Variants in KRT3 observed in about 807,000 individuals in gnomAD.
KRT3 encodes the protein keratin, type II cytoskeletal 3.
A neutral mutation model predicts 45.8 loss-of-function variants in KRT3; 34 were observed. The observed-to-expected ratio is 0.74, with a 90% CI of 0.57 to 0.99. KRT3 has a LOEUF of 0.99. Ranked by LOEUF, KRT3 falls within the 50% of genes least tolerant of loss-of-function variation. The pLI is 0.00. For missense variants in KRT3, 828 were observed against 820.6 expected, an observed-to-expected ratio of 1.01 and a Z score of -0.11; for synonymous variants, 367 against 329.0, an observed-to-expected ratio of 1.12 and a Z score of -1.25.
intron 1 of KRT3, among the ~76,000 whole-genome samples, 167 bp from the exon 2 acceptor site, chr12:52,794,498 G>C (rs1939595520): frequency 6.6e-6 from 1 of 152,180 alleles, no homozygotes; most frequent in Admixed American, 6.5e-5. Context: ...TGATCAGATG[G>C]GTGATGAGTC....
In KRT3 at chr12:52,795,526, C is replaced by A. The variant is rs1246761069; in HGVS notation, c.517G>T (p.Val173Leu). The A allele has an allele frequency of 3.1e-6, 5 of 1,614,020 alleles. No homozygotes were observed. The highest frequency in any genetic ancestry group is 4.2e-6 in the Non-Finnish European group (5 of 1,180,020). Reference sequence around the variant, plus strand: ...TGCAGGAGACTCTGGTTGATAGTCACTTCCTGAATTCCCCCAGGAAAGCCC... The same window carrying A: ...TGCAGGAGACTCTGGTTGATAGTCAATTCCTGAATTCCCCCAGGAAAGCCC... ...PGGFPGGIQE[V>L]TINQSLLQPL... Residue 173 changes from valine to leucine, a missense_variant, in exon 1 of 9, where the codon GTG (valine) becomes TTG (leucine). By Grantham distance (32) the Val-to-Leu change is conservative. Coordinates refer to ENST00000417996, the MANE Select transcript of KRT3 (RefSeq NM_057088.3).
At position 52,792,247 on chromosome 12, in the gene KRT3, G is replaced by A. The variant is rs1480919763; in HGVS notation, c.1180C>T (p.Gln394Ter). ...AGGTGACTAGCACCCACCTTGGTCTGGTACAGGGCCTCAGCTTCGGCCTTG... is the reference window on the plus strand; with the variant it reads ...AGGTGACTAGCACCCACCTTGGTCTAGTACAGGGCCTCAGCTTCGGCCTTG... The part of the protein sequence containing the change: ...RSKAEAEALY[Q>*]TKLGELQTTA... Residue 394 changes from glutamine (Q) to a stop codon, truncating the protein, a stop_gained, in exon 5 of 9, where the codon CAG becomes TAG. Transcript: ENST00000417996. LOFTEE classifies it high-confidence loss of function. 3.7e-6 allele frequency: 6 copies of A among 1,613,946 alleles called. No homozygotes were observed. In the South Asian group the frequency reaches 6.6e-5, roughly 18 times the overall value.
rs138097794 is a variant in KRT3, at chr12:52,794,850, G to A, written c.646-519C>T. On this transcript the variant is annotated intron_variant, in intron 1 of 8. Transcript: ENST00000417996. ...CTGTCCTGGTCTGGAGAAGCTCACC[G>A]AGCACTCTTGTCTTCCTGACTAGGC... Among the ~76,000 whole-genome samples, 515 of 152,262 alleles carry A rather than the reference G, an allele frequency of 3.4e-3. 3 individuals are homozygous for A. Among genetic ancestry groups the A allele is most frequent in the African/African-American group, 0.012 (497 of 41,548 alleles).
In KRT3 at chr12:52,790,265, C is replaced by T. The variant is rs1179368128; in HGVS notation, c.1664G>A (p.Ser555Asn). The change falls in exon 9 of 9, where the codon AGT becomes AAT. Residue 555 changes from serine (S) to asparagine (N), a missense_variant. Ser to Asn is a conservative substitution (Grantham distance 46). Transcript: ENST00000417996. ...GCCACTGCCTGAGCCGCCGCCCGCA[C>T]TGAAGCCACCTCCTAAACCACCGCC... is the stretch of plus-strand genomic sequence containing the variant. Reference protein sequence around the residue: ...GMGGGLGGGFSAGGGSGSGFG... With the variant: ...GMGGGLGGGFNAGGGSGSGFG... 8 of 1,551,874 alleles carry T rather than the reference C, an allele frequency of 5.2e-6. No homozygotes were observed. In the Admixed American group the frequency reaches 5.9e-5, roughly 11 times the overall value.
At position 52,794,177 on chromosome 12, in the gene KRT3, C is replaced by T; in HGVS notation, c.800G>A (p.Gly267Glu). ...CTCAGAGTCCAGGCGCCCTCTCTCC[C>T]CGAGGATGTTGTCCAGGTAGCTCCG... ...YLRSYLDNIL[G>E]ERGRLDSELK... Residue 267 changes from glycine (G) to glutamate (E), a missense_variant, in exon 2 of 9, where the codon GGG (glycine) becomes GAG (glutamate). Physicochemically the swap from Gly to Glu is moderately conservative, Grantham distance 98 (BLOSUM62 -2). Coordinates refer to ENST00000417996, the MANE Select transcript of KRT3 (RefSeq NM_057088.3). 6.2e-7 allele frequency: 1 copy of T among 1,614,182 alleles called. No homozygotes were observed. The highest frequency in any genetic ancestry group is 8.5e-7 in the Non-Finnish European group (1 of 1,180,038).
In KRT3 at chr12:52,789,717, G is replaced by A. The variant is rs1939441045; in HGVS notation, c.*325C>T. The A allele has an allele frequency of 5.9e-6, 3 of 509,692 alleles. No individual in the cohort carries two copies. Among genetic ancestry groups the A allele is most frequent in the South Asian group, 5.2e-5 (2 of 38,792 alleles). The allele number at this position is 509,692 out of a possible 1,614,324, so 31.6% of individuals were successfully genotyped here. On this transcript the variant is annotated 3_prime_UTR_variant, in exon 9 of 9. Coordinates refer to ENST00000417996, the MANE Select transcript of KRT3 (RefSeq NM_057088.3). ...CAGTGCACTTTATTGGCGACAGACC[G>A]GAGGGGCGGAGGGGGCTGTGTGCTA...
At chr12:52,794,036 G>A (rs1939584125) in intron 2 of KRT3, 75 bp downstream of exon 2, 1 of 1,127,898 alleles carries the variant, frequency 8.9e-7, no homozygotes, top group Non-Finnish European at 1.3e-6. Flanking sequence ...CAGCAGTCAG[G>A]GGGCATGTAG....
chr12:52,795,659 A>G lies in KRT3; in HGVS notation c.384T>C (p.Ala128=). 6.3e-7 allele frequency: 1 copy of G among 1,595,104 alleles called. No homozygotes were observed. Residue 128 remains alanine, a synonymous_variant, in exon 1 of 9, where the codon GCT becomes GCC. Transcript: ENST00000417996. ...GFGGAGGFGG[A]GGFGGAGGFG... The stretch of plus-strand genomic sequence containing the variant: ...AGCCACCAGCCCCTCCAAAGCCACC[A>G]GCCCCTCCAAAGCCACCAGCTCCAC...
Position 52,791,719 on chromosome 12 carries a change from C to A in KRT3, c.1286G>T (p.Arg429Leu), listed in dbSNP as rs768725246. Residue 429 changes from arginine (R) to leucine (L), a missense_variant, in exon 6 of 9, where the codon CGG becomes CTG. Transcript: ENST00000417996. ...CTTCTTGACACCCTCGATCTCTGCC[C>A]GCAGCCTCTGGATCATTCTGTTGAG... The part of the protein sequence containing the change: ...IELNRMIQRL[R>L]AEIEGVKKQN... 7 of 1,613,978 alleles carry A rather than the reference C, an allele frequency of 4.3e-6. No homozygotes were observed. Among genetic ancestry groups the A allele is most frequent in the Non-Finnish European group, 5.9e-6 (7 of 1,179,992 alleles).
In KRT3 at chr12:52,793,200, C is replaced by T. The variant is rs759082203; in HGVS notation, c.890G>A (p.Arg297His). 1.9e-5 allele frequency: 30 copies of T among 1,609,368 alleles called. No homozygotes were observed. In the East Asian group the frequency reaches 2.0e-4, roughly 11 times the overall value. Residue 297 changes from arginine (R) to histidine (H), a missense_variant, in exon 3 of 9, where the codon CGT (arginine) becomes CAT (histidine). Arg to His is a conservative substitution (Grantham distance 29). Coordinates refer to ENST00000417996, the MANE Select transcript of KRT3 (RefSeq NM_057088.3). ...KKKYEDEINKRTAAENEFVTL... is the reference protein window; with the variant it reads ...KKKYEDEINKHTAAENEFVTL... ...CACAAATTCATTCTCAGCAGCTGTA[C>T]GTTTATTGATTTCATCCTCATATCT...
intron 5 of KRT3, 141 bp downstream of exon 5, chr12:52,792,098 A>G (rs1939525281): frequency 1.3e-6 from 1 of 768,408 alleles, no homozygotes; most frequent in Admixed American, 2.9e-5. Flanking sequence ...CAACTGAACC[A>G]CCATTAGAAG....
chr12:52,794,842 A>C (rs1344081657), intron 1 of KRT3, among the ~76,000 whole-genome samples: 1 of 152,174 alleles, frequency 6.6e-6, no homozygotes, highest in Admixed American at 6.5e-5. Context: ...GGTCTGGAGA[A>C]GCTCACCGAG....
Position 52,789,963 on chromosome 12 carries a change from C to G in KRT3, c.*79G>C. 1 of 1,394,326 alleles carries G rather than the reference C, an allele frequency of 7.2e-7. No homozygotes were observed. The allele number at this position is 1,394,326 out of a possible 1,614,324, so 86.4% of individuals were successfully genotyped here. A position where few individuals can be genotyped will look rare whatever the true frequency, so the allele number is the denominator to read the frequency against. ...CGCGTTCTTGGGGAGCATGGGGTGG[C>G]GCTGGGGGTGTTGCCAATATGGGGG... On this transcript the variant is annotated 3_prime_UTR_variant, in exon 9 of 9. Coordinates refer to ENST00000417996, the MANE Select transcript of KRT3 (RefSeq NM_057088.3).
chr12:52,790,787 G>A, intron 8 of KRT3, 51 bp downstream of exon 8: 1 of 1,437,710 alleles, frequency 7.0e-7, no homozygotes, highest in Non-Finnish European at 9.6e-7. Flanking sequence ...CTGGATTAGT[G>A]CAGATATTTC....
chr12:52,790,744 C>T (rs574540621), intron 8 of KRT3, 94 bp downstream of exon 8: 57 of 1,149,998 alleles, frequency 5.0e-5, no homozygotes, highest in Middle Eastern at 1.9e-4. Context: ...CTCCAACTTC[C>T]GTAAAAATAT....
Position 52,794,327 on chromosome 12 carries a change from C to T in KRT3, c.650G>A (p.Arg217Gln), listed in dbSNP as rs772977509. Reference protein sequence around the residue: ...NKFASFIDKVRFLEQQNKVLE... With the variant: ...NKFASFIDKVQFLEQQNKVLE... ...GACTTTGTTCTGTTGCTCCAGGAAC[C>T]GCACCTGCAATGGTTGCAGGAAGCA... The change falls in exon 2 of 9, where the codon CGG (arginine) becomes CAG (glutamine). Residue 217 changes from arginine to glutamine, a missense_variant. Coordinates refer to ENST00000417996, the MANE Select transcript of KRT3 (RefSeq NM_057088.3). 7 of 1,613,170 alleles carry T rather than the reference C, an allele frequency of 4.3e-6. No homozygotes were observed. Among genetic ancestry groups the T allele is most frequent in the East Asian group, 4.5e-5 (2 of 44,862 alleles).
chr12:52,795,537 C>A lies in KRT3; in HGVS notation c.506G>T (p.Gly169Val), dbSNP rs1939617266. The A allele has an allele frequency of 7.4e-6, 12 of 1,613,994 alleles. No individual in the cohort carries two copies. The East Asian group carries it at 2.7e-4, about 36-fold the overall frequency. ...GGFGPGGFPGGIQEVTINQSL... is the reference protein window; with the variant it reads ...GGFGPGGFPGVIQEVTINQSL... ...CTGGTTGATAGTCACTTCCTGAATTCCCCCAGGAAAGCCCCCAGGGCCAAA... is the reference window on the plus strand; with the variant it reads ...CTGGTTGATAGTCACTTCCTGAATTACCCCAGGAAAGCCCCCAGGGCCAAA... The change falls in exon 1 of 9, where the codon GGA becomes GTA. Residue 169 changes from glycine to valine, a missense_variant. Transcript: ENST00000417996.
intron 2 of KRT3, among the ~76,000 whole-genome samples, chr12:52,793,586 C>T (rs1320065329): frequency 3.9e-5 from 6 of 151,984 alleles, no homozygotes; most frequent in Non-Finnish European, 7.4e-5. Flanking sequence ...TAAACTCATC[C>T]GTTTTTTGTT....
chr12:52,794,612 T>G (rs1366775683), intron 1 of KRT3, among the ~76,000 whole-genome samples: 1 of 152,230 alleles, frequency 6.6e-6, no homozygotes, highest in Non-Finnish European at 1.5e-5. Flanking sequence ...GGGAACTTCA[T>G]GACCCTATCT....
Sources: gnomAD v4.1 joint callset for allele counts (sites outside exome capture counted in the v4.1 genomes callset) on GRCh38, gnomAD v4.1.1 for gene constraint, MANE v1.5 for transcripts, NCBI Gene and HGNC (gene_info 2026-07-23, HGNC 2026-07-21) for gene names.